KDM4C: variants seen among roughly 807,000 people sequenced by gnomAD.
KDM4C encodes the protein lysine-specific demethylase 4C.
KDM4C carries 81 observed loss-of-function variants against 129.3 expected under a neutral mutation model. The observed-to-expected ratio is 0.63, with a 90% confidence interval of 0.52 to 0.75. The LOEUF is 0.75. Ranked by LOEUF, KDM4C falls within the 30% of genes least tolerant of loss-of-function variation. KDM4C has a pLI of 0.00. For synonymous variants in KDM4C, 573 were observed against 456.1 expected (o/e 1.26, Z -3.26); for missense variants, 1,457 against 1,304.0 (o/e 1.12, Z -1.81).
intron 1 of KDM4C, among the ~76,000 whole-genome samples, chr9:6,749,986 CAAA>C (rs57999664): frequency 5.4e-5 from 3 of 55,602 alleles, no homozygotes; most frequent in Non-Finnish European, 8.4e-5. Context: ...AACTCCTTCT[CAAA>C]AAAAAAAAAA....
intron 5 of KDM4C, among the ~76,000 whole-genome samples, chr9:6,850,118 T>C (rs1838574418): frequency 6.6e-6 from 1 of 152,240 alleles, no homozygotes; most frequent in African/African-American, 2.4e-5. Context: ...CCATATAGCC[T>C]AGGTCTGTAG....
At chr9:6,981,685 C>A (rs1413105302) in intron 9 of KDM4C, among the ~76,000 whole-genome samples, 1 of 152,068 alleles carries the variant, frequency 6.6e-6, no homozygotes, top group Admixed American at 6.6e-5. Context: ...ATTTCAAAAG[C>A]TTTTAGATGT....
intron 8 of KDM4C, among the ~76,000 whole-genome samples, chr9:6,901,262 G>A (rs1043504612): frequency 1.3e-5 from 2 of 152,188 alleles, no homozygotes; most frequent in African/African-American, 4.8e-5. Context: ...GCCATAGTCA[G>A]ATGCCCTGGC....
In KDM4C at chr9:7,168,787, G is replaced by A. The variant is rs142091093; in HGVS notation, c.2902-1011G>A. 4.3e-3 allele frequency among the ~76,000 whole-genome samples: 655 copies of A among 152,166 alleles called. 17 individuals are homozygous for A. Among genetic ancestry groups the A allele is most frequent in the Admixed American group, 0.041 (628 of 15,280 alleles). The stretch of plus-strand genomic sequence containing the variant: ...ATTATTATATAAGAGTAAACAGGCC[G>A]GGCATGGTGGCTGACACCTGTAATC... On this transcript the variant is annotated intron_variant, in intron 20 of 21. Coordinates refer to ENST00000381309, the MANE Select transcript of KDM4C (RefSeq NM_015061.6).
At chr9:6,763,190 A>G (rs755174091) in intron 1 of KDM4C, among the ~76,000 whole-genome samples, 41 of 152,120 alleles carry the variant, frequency 2.7e-4, no homozygotes, top group Non-Finnish European at 5.0e-4. Flanking sequence ...CTCTAGGGAA[A>G]AAGTCCTAAC....
At chr9:6,945,604 C>G (rs1163248995) in intron 8 of KDM4C, among the ~76,000 whole-genome samples, 1 of 152,002 alleles carries the variant, frequency 6.6e-6, no homozygotes, top group Non-Finnish European at 1.5e-5. Context: ...GAGAATTTAT[C>G]AAAATAGATG....
intron 19 of KDM4C, among the ~76,000 whole-genome samples, chr9:7,141,576 C>A (rs1841743500): frequency 6.6e-6 from 1 of 152,114 alleles, no homozygotes; most frequent in Admixed American, 6.5e-5. Flanking sequence ...ATATAACTCC[C>A]AGGATTCTGG....
chr9:6,892,500 A>C (rs908385563), intron 7 of KDM4C, among the ~76,000 whole-genome samples: 1 of 152,190 alleles, frequency 6.6e-6, no homozygotes, highest in Non-Finnish European at 1.5e-5. Context: ...TTTTAATTAT[A>C]CTTAAAAATG....
chr9:6,905,125 T>C (rs959352599), intron 8 of KDM4C, among the ~76,000 whole-genome samples: 1 of 152,254 alleles, frequency 6.6e-6, no homozygotes, highest in African/African-American at 2.4e-5. Flanking sequence ...CCAAAGAGTA[T>C]ATATCATCTA....
chr9:6,740,686 T>A (rs978432650), intron 1 of KDM4C, among the ~76,000 whole-genome samples: 20 of 151,588 alleles, frequency 1.3e-4, no homozygotes, highest in Non-Finnish European at 2.8e-4. Context: ...ATCCAGCAAA[T>A]TTTTCTATTT....
At chr9:7,005,673 T>C (rs564688898) in intron 12 of KDM4C, among the ~76,000 whole-genome samples, 4 of 152,270 alleles carry the variant, frequency 2.6e-5, no homozygotes, top group African/African-American at 7.2e-5. Context: ...AGAGATTATG[T>C]TGGAGGCCTA....
chr9:7,011,144 C>G (rs1435901302), intron 12 of KDM4C, among the ~76,000 whole-genome samples: 1 of 152,086 alleles, frequency 6.6e-6, no homozygotes, highest in Non-Finnish European at 1.5e-5. Flanking sequence ...TCTTTTATAT[C>G]CATGTAATGC....
At chr9:7,075,230 A>G (rs1833761642) in intron 17 of KDM4C, among the ~76,000 whole-genome samples, 2 of 152,166 alleles carry the variant, frequency 1.3e-5, no homozygotes, top group African/African-American at 4.8e-5. Flanking sequence ...AATGACTGGT[A>G]ATCCATTCTG....
chr9:6,981,974 C>G (rs554549691), intron 9 of KDM4C: 1 of 159,916 alleles, frequency 6.3e-6, no homozygotes, highest in African/African-American at 2.4e-5. Context: ...TATCCTTTAC[C>G]TATATATTTA....
chr9:7,004,272 G>A (rs1236989586), intron 12 of KDM4C, among the ~76,000 whole-genome samples: 1 of 152,138 alleles, frequency 6.6e-6, no homozygotes, highest in Non-Finnish European at 1.5e-5. Context: ...AACGAATCTG[G>A]CAAAAATCTG....
intron 4 of KDM4C, among the ~76,000 whole-genome samples, chr9:6,838,286 G>A (rs951904908): frequency 5.3e-5 from 8 of 152,146 alleles, no homozygotes; most frequent in African/African-American, 1.9e-4. Flanking sequence ...TGAACAATTT[G>A]TTCATTATTT....
chr9:7,138,811 C>T (rs546565426), intron 19 of KDM4C, among the ~76,000 whole-genome samples: 2 of 152,048 alleles, frequency 1.3e-5, no homozygotes, highest in South Asian at 2.1e-4. Context: ...CAGAGCCAAA[C>T]CCTGTCTCTA....
chr9:7,087,603 TA>T (rs1178484126), intron 17 of KDM4C, among the ~76,000 whole-genome samples: 31 of 152,164 alleles, frequency 2.0e-4, no homozygotes, highest in African/African-American at 7.2e-4. Flanking sequence ...CAGTGATAAC[TA>T]AAAGAGTTTC....
At chr9:6,937,678 T>A (rs528727976) in intron 8 of KDM4C, among the ~76,000 whole-genome samples, 1 of 152,146 alleles carries the variant, frequency 6.6e-6, no homozygotes, top group Non-Finnish European at 1.5e-5. Context: ...CACTGTTTTT[T>A]TCTTCTCTCC....
Sources: allele counts gnomAD v4.1 joint callset (sites outside exome capture counted in the v4.1 genomes callset), GRCh38; gene constraint gnomAD v4.1.1; transcripts MANE v1.5; gene names NCBI Gene and HGNC (gene_info 2026-07-23, HGNC 2026-07-21).